TUSC3: variants seen among roughly 807,000 people sequenced by gnomAD.
TUSC3 encodes the protein dolichyl-diphosphooligosaccharide--protein glycosyltransferase subunit TUSC3.
A neutral mutation model predicts 44.8 loss-of-function variants in TUSC3; 45 were observed. That is an observed-to-expected ratio of 1.00 (90% confidence interval 0.79 to 1.29). TUSC3 has a LOEUF of 1.29. TUSC3 is among the 50% of genes most tolerant of loss of function. TUSC3 has a pLI of 0.00. For missense variants in TUSC3, 519 were observed against 437.9 expected, an observed-to-expected ratio of 1.19 and a Z score of -1.65; for synonymous variants, 212 against 152.9, an observed-to-expected ratio of 1.39 and a Z score of -2.85.
the TUSC3 span, among the ~76,000 whole-genome samples, chr8:15,778,001 T>G: frequency 6.6e-6 from 1 of 151,336 alleles, no homozygotes; most frequent in Non-Finnish European, 1.5e-5. Flanking sequence ...TTGATTTCCC[T>G]CTCCTTGCCC....
In TUSC3 at chr8:15,623,230, C is replaced by T. The variant is rs755902777; in HGVS notation, c.289C>T (p.Arg97Trp). The T allele has an allele frequency of 1.2e-5, 19 of 1,607,762 alleles. No homozygotes were observed. Among genetic ancestry groups the T allele is most frequent in the South Asian group, 6.7e-5 (6 of 89,138 alleles). ...TATGTTCACTGCTCTTCAGCCTCAG[C>T]GGCAGTGTTCTGTGTGCAGGTAATT... is the stretch of plus-strand genomic sequence containing the variant. ...IVMFTALQPQ[R>W]QCSVCRQANE... Residue 97 changes from arginine to tryptophan, a missense_variant, in exon 2 of 11, where the codon CGG becomes TGG. Coordinates refer to ENST00000503731, the MANE Select transcript of TUSC3 (RefSeq NM_006765.4).
At chr8:15,547,708 C>T (rs1378771018) in intron 1 of TUSC3, among the ~76,000 whole-genome samples, 3 of 151,332 alleles carry the variant, frequency 2.0e-5, no homozygotes, top group South Asian at 2.1e-4. Context: ...AGGGGTGCCG[C>T]CCTCATGAAT....
the TUSC3 span, among the ~76,000 whole-genome samples, chr8:15,826,860 G>A: frequency 6.6e-6 from 1 of 152,160 alleles, no homozygotes; most frequent in Non-Finnish European, 1.5e-5. Context: ...TGTTTGTTGT[G>A]AGGAGTATAT....
the TUSC3 span, among the ~76,000 whole-genome samples, chr8:15,792,821 G>C: frequency 6.6e-6 from 1 of 152,034 alleles, no homozygotes; most frequent in African/African-American, 2.4e-5. Context: ...GTTTTGCCAC[G>C]TTGCCCAAGC....
chr8:15,662,643 C>G (rs950935176), intron 5 of TUSC3, among the ~76,000 whole-genome samples: 3 of 151,932 alleles, frequency 2.0e-5, no homozygotes, highest in Admixed American at 1.3e-4. Flanking sequence ...TCTCATTCAG[C>G]TATTTCTTTT....
intron 7 of TUSC3, chr8:15,733,364 T>C: frequency 2.5e-6 from 1 of 405,822 alleles, no homozygotes; most frequent in South Asian, 1.8e-5. Context: ...TTTTTTTTTT[T>C]CCTAACTTGT....
At chr8:15,651,282 A>G (rs1806892551) in intron 3 of TUSC3, among the ~76,000 whole-genome samples, 1 of 152,204 alleles carries the variant, frequency 6.6e-6, no homozygotes, top group South Asian at 2.1e-4. Context: ...CAGATTTGTG[A>G]CATTTTATAT....
At chr8:15,776,566 TG>T in the TUSC3 span, among the ~76,000 whole-genome samples, 1 of 152,172 alleles carries the variant, frequency 6.6e-6, no homozygotes, top group African/African-American at 2.4e-5. Flanking sequence ...AAAACTTCAT[TG>T]TGTTACTAAT....
chr8:15,422,633 G>C (rs1299836468), intron 1 of TUSC3, among the ~76,000 whole-genome samples: 3 of 151,956 alleles, frequency 2.0e-5, no homozygotes, highest in African/African-American at 4.8e-5. Context: ...CTAGTTTTTG[G>C]TTGATTGGTT....
the TUSC3 span, among the ~76,000 whole-genome samples, chr8:15,790,480 G>A: frequency 6.6e-6 from 1 of 152,080 alleles, no homozygotes; most frequent in African/African-American, 2.4e-5. Context: ...ACCATGCCCG[G>A]CCTCACCATG....
rs777440982 is a variant in TUSC3 at position 15,555,543 on chromosome 8, C to T, written c.138+14975C>T. 9.2e-4 allele frequency among the ~76,000 whole-genome samples: 140 copies of T among 151,402 alleles called. 6 individuals carry two copies. The Middle Eastern group carries it at 0.017, about 19-fold the overall frequency. On this transcript the variant is annotated intron_variant, in intron 1 of 10. Transcript: ENST00000503731. ...CTCTTGGGCTCAAGTGATCCCCCTG[C>T]CTTGGCCTCCCAGAGTGCTGGGATT...
chr8:15,587,274 T>C (rs1048815203), intron 1 of TUSC3, among the ~76,000 whole-genome samples: 2 of 152,156 alleles, frequency 1.3e-5, no homozygotes, highest in Non-Finnish European at 2.9e-5. Context: ...TGATCTTGAG[T>C]TTATTTTTTT....
At chr8:15,823,115 T>C in the TUSC3 span, among the ~76,000 whole-genome samples, 21,539 of 152,156 alleles carry the variant, frequency 0.14, 1,691 homozygotes, top group East Asian at 0.25. Context: ...AATGAACATA[T>C]TGACTTTTTG....
the TUSC3 span, among the ~76,000 whole-genome samples, chr8:15,833,040 C>G: frequency 6.6e-6 from 1 of 151,944 alleles, no homozygotes; most frequent in African/African-American, 2.4e-5. Context: ...AGTAAAAAAA[C>G]AGGGAATGGA....
chr8:15,644,936 C>G (rs114449158), intron 2 of TUSC3, among the ~76,000 whole-genome samples: 2,725 of 152,098 alleles, frequency 0.018, 30 homozygotes, highest in Middle Eastern at 0.034. Flanking sequence ...TTTATTCTAG[C>G]CAGAGCTATC....
chr8:15,765,447 A>G lies in TUSC3; in HGVS notation c.*1291A>G, dbSNP rs1563213609. On this transcript the variant is annotated 3_prime_UTR_variant, in exon 11 of 11. Coordinates refer to ENST00000503731, the MANE Select transcript of TUSC3 (RefSeq NM_006765.4). ...ATTGTTTTCATTGGGAGTTCCAGCT[A>G]TATAGCCTCAAACAAGAAACGGGTG... 1 of 152,124 alleles carries G rather than the reference A, an allele frequency of 6.6e-6. No individual in the cohort carries two copies. The highest frequency in any genetic ancestry group is 2.1e-4 in the South Asian group (1 of 4,826). The allele number at this position is 152,124 out of a possible 1,614,324, so 9.4% of individuals were successfully genotyped here.
intron 1 of TUSC3, among the ~76,000 whole-genome samples, chr8:15,622,175 G>A (rs909007560): frequency 3.3e-5 from 5 of 152,038 alleles, no homozygotes; most frequent in Admixed American, 1.3e-4. Context: ...ATACTTGCTT[G>A]GTTTTAAAAT....
At chr8:15,800,114 C>T in the TUSC3 span, among the ~76,000 whole-genome samples, 1 of 152,202 alleles carries the variant, frequency 6.6e-6, no homozygotes, top group Non-Finnish European at 1.5e-5. Flanking sequence ...AGGGGAGACA[C>T]TACCTCTATA....
intron 1 of TUSC3, among the ~76,000 whole-genome samples, chr8:15,560,277 G>A (rs1802410751): frequency 6.9e-6 from 1 of 143,988 alleles, no homozygotes; most frequent in Non-Finnish European, 1.5e-5. Flanking sequence ...TAGTTTGGCT[G>A]GATATGAAAT....
Sources: allele counts gnomAD v4.1 joint callset (sites outside exome capture counted in the v4.1 genomes callset), GRCh38; gene constraint gnomAD v4.1.1; transcripts MANE v1.5; gene names NCBI Gene and HGNC (gene_info 2026-07-23, HGNC 2026-07-21).